The following TCN2 variants were observed in gnomAD, a reference collection of about 807,000 sequenced individuals.
TCN2 encodes transcobalamin 2, also known as transcobalamin-2.
TCN2 carries 34 observed loss-of-function variants against 48.6 expected under a neutral mutation model. The ratio of observed to expected loss-of-function variants is 0.70; its 90% confidence interval spans 0.53 to 0.93. The LOEUF is 0.93. Ranked by LOEUF, TCN2 falls within the 40% of genes least tolerant of loss-of-function variation. The pLI is 0.00. For synonymous variants in TCN2, 283 were observed against 212.5 expected, an observed-to-expected ratio of 1.33 and a Z score of -2.89; for missense variants, 652 against 526.1, an observed-to-expected ratio of 1.24 and a Z score of -2.34.
chr22:30,616,856 C>G (rs887763458), intron 6 of TCN2, among the ~76,000 whole-genome samples: 1 of 152,108 alleles, frequency 6.6e-6, no homozygotes, highest in Non-Finnish European at 1.5e-5. Context: ...AGAACAAAGA[C>G]ACAGAGGTGC....
Position 30,623,699 on chromosome 22 carries a change from A to AAT in TCN2, c.1222+628_1222+629dup, listed in dbSNP as rs67554337. Reference sequence around the variant, plus strand: ...CATATATGTGTATACATATATATGAAATATATATATATACAGACACACATA... The same window carrying AAT: ...CATATATGTGTATACATATATATGAAATATATATATATATACAGACACACATA... On this transcript the variant is annotated intron_variant, in intron 8 of 8. Coordinates refer to ENST00000215838, the MANE Select transcript of TCN2 (RefSeq NM_000355.4). Among the ~76,000 whole-genome samples, 358 of 115,746 alleles carry AAT rather than the reference A, an allele frequency of 3.1e-3. 14 individuals carry two copies. Among genetic ancestry groups the AAT allele is most frequent in the African/African-American group, 0.01 (294 of 28,610 alleles). The allele number at this position is 115,746 out of a possible 152,430, so 75.9% of individuals were successfully genotyped here.
At chr22:30,611,447 C>T (rs978874580) in intron 2 of TCN2, among the ~76,000 whole-genome samples, 2 of 152,170 alleles carry the variant, frequency 1.3e-5, no homozygotes, top group Non-Finnish European at 2.9e-5. Context: ...TCTGTATGCT[C>T]CCCTCCCATG....
rs2087750642 is a variant in TCN2, at chr22:30,623,877, C to CATATATACACACATATATATGTATACAT, written c.1222+828_1222+855dup. On this transcript the variant is annotated intron_variant, in intron 8 of 8. Coordinates refer to ENST00000215838, the MANE Select transcript of TCN2 (RefSeq NM_000355.4). ...ACATACATACACACATATATACACA[C>CATATATACACACATATATATGTATACAT]ATATATACACACATATATATGTATA... Among the ~76,000 whole-genome samples, 5 of 67,966 alleles carry CATATATACACACATATATATGTATACAT rather than the reference C, an allele frequency of 7.4e-5. 1 individual carries two copies. The South Asian group carries it at 1.4e-3, about 19-fold the overall frequency. 44.6% of individuals were successfully genotyped at this position (67,966 alleles called of 152,430 possible).
At chr22:30,610,224 C>T (rs915817661) in intron 1 of TCN2, 2 of 471,070 alleles carry the variant, frequency 4.2e-6, no homozygotes, top group Non-Finnish European at 8.8e-6. Flanking sequence ...AGGTCCTCTT[C>T]ATTTAAACAG....
intron 7 of TCN2, 24 bp from the exon 8 acceptor site, chr22:30,622,944 C>T (rs759805970): frequency 6.2e-7 from 1 of 1,611,528 alleles, no homozygotes; most frequent in Admixed American, 1.7e-5. Context: ...CTCTTCTCTC[C>T]CCATTTGCCT....
chr22:30,618,416 A>G (rs1375594791), intron 7 of TCN2, among the ~76,000 whole-genome samples: 1 of 150,262 alleles, frequency 6.7e-6, no homozygotes, highest in Non-Finnish European at 1.5e-5. Flanking sequence ...CAGTGGCGCA[A>G]TCTCGGCTCA....
intron 8 of TCN2, among the ~76,000 whole-genome samples, chr22:30,623,803 T>TATATATAC (rs57088816): frequency 6.5e-5 from 4 of 61,600 alleles, no homozygotes; most frequent in South Asian, 3.5e-4. Context: ...TATACACACA[T>TATATATAC]ACACATATAT....
Position 30,621,061 on chromosome 22 carries a change from C to T in TCN2, c.1107-1907C>T, listed in dbSNP as rs886935848. Among the ~76,000 whole-genome samples the T allele has an allele frequency of 4.6e-5, 7 of 152,274 alleles. No individual in the cohort carries two copies. The East Asian group carries it at 5.8e-4, about 13-fold the overall frequency. On this transcript the variant is annotated intron_variant, in intron 7 of 8. Transcript: ENST00000215838. ...AGGCTGGAGTGCAGTGGCACGATCT[C>T]GGCTCACTGCAACCTCCACCTCCTG...
Position 30,626,904 on chromosome 22 carries a change from C to T in TCN2, c.*383C>T, listed in dbSNP as rs896720175. ...GGTTGGGGTCCTGCAAGAAGGCCTCCTCAGCCCGGGGGCTATGGCCCTGAC... is the reference window on the plus strand; with the variant it reads ...GGTTGGGGTCCTGCAAGAAGGCCTCTTCAGCCCGGGGGCTATGGCCCTGAC... On this transcript the variant is annotated 3_prime_UTR_variant, in exon 9 of 9. Coordinates refer to ENST00000215838, the MANE Select transcript of TCN2 (RefSeq NM_000355.4). The T allele has an allele frequency of 2.3e-5, 8 of 353,040 alleles. No homozygotes were observed. The highest frequency in any genetic ancestry group is 1.2e-4 in the Admixed American group (3 of 25,822). The allele number at this position is 353,040 out of a possible 1,614,324, so 21.9% of individuals were successfully genotyped here.
At position 30,626,824 on chromosome 22, in the gene TCN2, T is replaced by C. The variant is rs533953034; in HGVS notation, c.*303T>C. 10 of 516,318 alleles carry C rather than the reference T, an allele frequency of 1.9e-5. No individual in the cohort carries two copies. Among genetic ancestry groups the C allele is most frequent in the African/African-American group, 1.4e-4 (7 of 51,168 alleles). The allele number at this position is 516,318 out of a possible 1,614,324, so 32.0% of individuals were successfully genotyped here. ...ATGGGCATGAAGCATCTCAGACTCC[T>C]TGGCAAAAAACGGAGTCCGCAGGCC... is the stretch of plus-strand genomic sequence containing the variant. On this transcript the variant is annotated 3_prime_UTR_variant, in exon 9 of 9. Transcript: ENST00000215838.
At chr22:30,623,712 A>G in intron 8 of TCN2, among the ~76,000 whole-genome samples, 1 of 107,772 alleles carries the variant, frequency 9.3e-6, no homozygotes, top group East Asian at 2.0e-4. Flanking sequence ...ATATATATAT[A>G]CAGACACACA....
chr22:30,612,337 T>C (rs1460999038), intron 2 of TCN2, among the ~76,000 whole-genome samples: 7 of 152,154 alleles, frequency 4.6e-5, no homozygotes, highest in Middle Eastern at 3.4e-3. Context: ...TCACATGAGG[T>C]TAGGAGTTCG....
chr22:30,614,376 C>G lies in TCN2; in HGVS notation c.455C>G (p.Thr152Ser). 2 of 1,614,188 alleles carry G rather than the reference C, an allele frequency of 1.2e-6. No individual in the cohort carries two copies. The highest frequency in any genetic ancestry group is 1.1e-5 in the South Asian group (1 of 91,088). The change falls in exon 4 of 9, where the codon ACT becomes AGT. Residue 152 changes from threonine (T) to serine (S), a missense_variant. Physicochemically the swap from Thr to Ser is moderately conservative, Grantham distance 58. Transcript: ENST00000215838. Reference sequence around the variant, plus strand: ...CATGATCACAAGGGCCACCCCCACACTAGCTACTACCAGTATGGCCTGGGC... The same window carrying G: ...CATGATCACAAGGGCCACCCCCACAGTAGCTACTACCAGTATGGCCTGGGC... ...IGHDHKGHPH[T>S]SYYQYGLGIL...
At chr22:30,618,113 ATT>A (rs60134354) in intron 7 of TCN2, among the ~76,000 whole-genome samples, 3,148 of 124,260 alleles carry the variant, frequency 0.025, 88 homozygotes, top group East Asian at 0.15. Context: ...ACCCTGGGTA[ATT>A]TTTTTTTTTT....
At chr22:30,620,796 G>T (rs750621344) in intron 7 of TCN2, among the ~76,000 whole-genome samples, 2 of 152,166 alleles carry the variant, frequency 1.3e-5, no homozygotes, top group African/African-American at 2.4e-5. Context: ...CTGGGTTCAG[G>T]CATGAAGACT....
intron 7 of TCN2, among the ~76,000 whole-genome samples, chr22:30,621,353 T>C (rs553670371): frequency 6.6e-6 from 1 of 152,290 alleles, no homozygotes; most frequent in African/African-American, 2.4e-5. Context: ...CTTAGGGCTG[T>C]ATTACCCCAG....
intron 3 of TCN2, among the ~76,000 whole-genome samples, 172 bp from the exon 4 acceptor site, chr22:30,614,177 T>C (rs1457547846): frequency 6.6e-6 from 1 of 152,160 alleles, no homozygotes; most frequent in African/African-American, 2.4e-5. Context: ...CTAAGCACAG[T>C]GCCTGACACA....
At chr22:30,613,758 G>A (rs1361363563) in intron 3 of TCN2, among the ~76,000 whole-genome samples, 1 of 152,064 alleles carries the variant, frequency 6.6e-6, no homozygotes, top group African/African-American at 2.4e-5. Flanking sequence ...GATCTTGCTG[G>A]CACTGCTTAA....
At chr22:30,616,574 A>T (rs936301396) in intron 6 of TCN2, among the ~76,000 whole-genome samples, 3 of 151,648 alleles carry the variant, frequency 2.0e-5, no homozygotes, top group South Asian at 2.1e-4. Flanking sequence ...GCTGAGGCAG[A>T]TGGATTGCCT....
Sources: gnomAD v4.1 joint callset for allele counts (sites outside exome capture counted in the v4.1 genomes callset) on GRCh38, gnomAD v4.1.1 for gene constraint, MANE v1.5 for transcripts, NCBI Gene and HGNC (gene_info 2026-07-23, HGNC 2026-07-21) for gene names.